The following ASIC2 variants were observed in gnomAD, a reference collection of about 807,000 sequenced individuals.
ASIC2 encodes acid sensing ion channel subunit 2, also known as acid-sensing ion channel 2.
A neutral mutation model predicts 57.3 loss-of-function variants in ASIC2; 25 were observed. The observed-to-expected ratio is 0.44, with a 90% CI of 0.32 to 0.61. The LOEUF (loss-of-function observed/expected upper bound fraction) is 0.61. Among genes scored for constraint, ASIC2 ranks in the 20% least tolerant of loss-of-function variants. The pLI, the probability that ASIC2 is intolerant of heterozygous loss-of-function variation, is 0.06. For missense variants in ASIC2, 641 were observed against 738.1 expected (o/e 0.87, Z 1.52); for synonymous variants, 319 against 307.5 (o/e 1.04, Z -0.39).
At chr17:33,217,948 G>A (rs1871074761) in intron 1 of ASIC2, among the ~76,000 whole-genome samples, 1 of 152,186 alleles carries the variant, frequency 6.6e-6, no homozygotes, top group Non-Finnish European at 1.5e-5. Flanking sequence ...AAAATGACAG[G>A]TCCAGCTCTG....
Position 34,086,111 on chromosome 17 carries a change from G to A in ASIC2, c.555+69867C>T, listed in dbSNP as rs1197073854. Among the ~76,000 whole-genome samples, 77 of 148,498 alleles carry A rather than the reference G, an allele frequency of 5.2e-4. 1 individual carries two copies. The East Asian group carries it at 0.015, about 28-fold the overall frequency. On this transcript the variant is annotated intron_variant, in intron 1 of 9. Coordinates refer to the ASIC2 transcript ENST00000359872. ...GAATGTGTTTGCTCTTGCTTTTCTA[G>A]TTCTTTTAATTGTGATGTTAGGGTG...
At chr17:33,729,983 A>T (rs1432364929) in intron 1 of ASIC2, among the ~76,000 whole-genome samples, 1 of 152,154 alleles carries the variant, frequency 6.6e-6, no homozygotes, top group Non-Finnish European at 1.5e-5. Flanking sequence ...CCCACACCTC[A>T]CTGCCTCACG....
intron 3 of ASIC2, among the ~76,000 whole-genome samples, chr17:33,044,849 G>T (rs982861455): frequency 3.9e-5 from 6 of 152,202 alleles, no homozygotes; most frequent in Non-Finnish European, 8.8e-5. Flanking sequence ...AGGAGGGCAT[G>T]GTCCAACTAA....
intron 1 of ASIC2, among the ~76,000 whole-genome samples, chr17:33,252,772 A>G (rs554619015): frequency 2.6e-5 from 4 of 152,158 alleles, no homozygotes; most frequent in African/African-American, 9.6e-5. Flanking sequence ...TCTTTGGCTT[A>G]TTATGTGTTC....
chr17:33,319,407 A>G (rs1455558144), intron 1 of ASIC2, among the ~76,000 whole-genome samples: 2 of 152,184 alleles, frequency 1.3e-5, no homozygotes, highest in African/African-American at 2.4e-5. Context: ...GCTGATGACA[A>G]CCACACCCTA....
chr17:33,630,259 C>T (rs1195756970), intron 1 of ASIC2, among the ~76,000 whole-genome samples: 4 of 152,114 alleles, frequency 2.6e-5, no homozygotes, highest in Non-Finnish European at 5.9e-5. Flanking sequence ...ATAAGTTGGT[C>T]GCATGCTGAC....
chr17:33,054,766 G>C (rs1260597774), intron 3 of ASIC2, among the ~76,000 whole-genome samples: 4 of 152,228 alleles, frequency 2.6e-5, no homozygotes, highest in African/African-American at 9.7e-5. Context: ...ACTGGGGTAA[G>C]ATGTCCTATT....
intron 1 of ASIC2, among the ~76,000 whole-genome samples, chr17:33,872,775 A>G (rs1337615574): frequency 6.6e-6 from 1 of 152,196 alleles, no homozygotes; most frequent in South Asian, 2.1e-4. Flanking sequence ...AATTCCTTAG[A>G]GATACAGAGG....
At chr17:33,978,203 T>C (rs1905466038) in intron 1 of ASIC2, among the ~76,000 whole-genome samples, 1 of 152,210 alleles carries the variant, frequency 6.6e-6, no homozygotes, top group Admixed American at 6.5e-5. Flanking sequence ...TCTTCCCTAT[T>C]ATCACACTCA....
intron 1 of ASIC2, among the ~76,000 whole-genome samples, chr17:33,433,379 C>T (rs1911486204): frequency 6.6e-6 from 1 of 152,130 alleles, no homozygotes; most frequent in African/African-American, 2.4e-5. Flanking sequence ...GAGGTGAACG[C>T]TAGACACTGG....
chr17:34,070,290 G>T (rs1160522597), intron 1 of ASIC2: 1 of 151,872 alleles, frequency 6.6e-6, no homozygotes, highest in African/African-American at 2.4e-5. Flanking sequence ...GGCCTAATGG[G>T]TACTCAAGCA....
intron 1 of ASIC2, among the ~76,000 whole-genome samples, chr17:33,400,620 C>A (rs1910248352): frequency 6.6e-6 from 1 of 152,140 alleles, no homozygotes; most frequent in Admixed American, 6.5e-5. Flanking sequence ...AAGGATCTAG[C>A]ATCTTCTTAG....
At chr17:33,763,115 A>G (rs1910835205) in intron 1 of ASIC2, among the ~76,000 whole-genome samples, 1 of 152,182 alleles carries the variant, frequency 6.6e-6, no homozygotes, top group South Asian at 2.1e-4. Flanking sequence ...CCCCTCAACC[A>G]TGCTGCCCCC....
chr17:33,607,414 C>T (rs1443589022), intron 1 of ASIC2, among the ~76,000 whole-genome samples: 1 of 152,112 alleles, frequency 6.6e-6, no homozygotes, highest in Non-Finnish European at 1.5e-5. Flanking sequence ...CCAGTGGCCC[C>T]CTCCCACACT....
At chr17:33,988,414 TG>T (rs1476954350) in intron 1 of ASIC2, among the ~76,000 whole-genome samples, 9 of 152,214 alleles carry the variant, frequency 5.9e-5, no homozygotes, top group African/African-American at 1.9e-4. Flanking sequence ...TCTCTCTTTT[TG>T]CCTGCTGCCA....
intron 1 of ASIC2, among the ~76,000 whole-genome samples, chr17:33,218,590 C>T (rs1346539072): frequency 1.3e-5 from 2 of 149,404 alleles, no homozygotes; most frequent in African/African-American, 4.9e-5. Context: ...TGGGAGCATC[C>T]ACTATCATTC....
intron 5 of ASIC2, 59 bp from the exon 6 acceptor site, chr17:33,024,073 C>T: frequency 6.2e-7 from 1 of 1,600,774 alleles, no homozygotes; most frequent in Non-Finnish European, 8.5e-7. Context: ...TTCTAAGGGT[C>T]CAGAGTAGCT....
intron 1 of ASIC2, among the ~76,000 whole-genome samples, chr17:33,603,689 G>A (rs1652898092): frequency 6.6e-6 from 1 of 152,194 alleles, no homozygotes. Context: ...ATAAAGGACT[G>A]ACCCATCTAT....
intron 1 of ASIC2, among the ~76,000 whole-genome samples, chr17:33,956,552 G>A (rs1293123000): frequency 6.6e-6 from 1 of 152,120 alleles, no homozygotes; most frequent in Non-Finnish European, 1.5e-5. Context: ...GCCAACTCAG[G>A]AGCCTACCTA....
Sources: allele counts gnomAD v4.1 joint callset (sites outside exome capture counted in the v4.1 genomes callset), GRCh38; gene constraint gnomAD v4.1.1; transcripts MANE v1.5; gene names NCBI Gene and HGNC (gene_info 2026-07-23, HGNC 2026-07-21).